The following CUL1 variants were observed in gnomAD, a reference collection of about 807,000 sequenced individuals.
CUL1 encodes the protein cullin-1.
In CUL1, 24 loss-of-function variants were observed where a neutral mutation model predicts 118.0. The ratio of observed to expected loss-of-function variants is 0.20; its 90% CI spans 0.15 to 0.29. The LOEUF is 0.29. Among genes scored for constraint, CUL1 ranks in the 10% least tolerant of loss-of-function variants. CUL1 has a pLI of 1.00. For synonymous variants in CUL1, 332 were observed against 340.4 expected (o/e 0.98, Z 0.27); for missense variants, 361 against 933.8 (o/e 0.39, Z 7.99).
At position 148,771,943 on chromosome 7, in the gene CUL1, C is replaced by T. The variant is rs186823443; in HGVS notation, c.1083+4194C>T. 7.2e-5 allele frequency among the ~76,000 whole-genome samples: 11 copies of T among 152,254 alleles called. No individual in the cohort carries two copies. In the East Asian group the frequency reaches 2.1e-3, roughly 29 times the overall value. ...GTCATTTTAAAAAGAATTGAATGCC[C>T]ACTGTGTGTGCCTGGCCCTGTGCTA... On this transcript the variant is annotated intron_variant, in intron 9 of 21. Coordinates refer to ENST00000325222, the MANE Select transcript of CUL1 (RefSeq NM_003592.3).
At position 148,784,034 on chromosome 7, in the gene CUL1, CCT is replaced by C. The variant is rs766176755; in HGVS notation, c.1256_1257del (p.Pro419ArgfsTer8). ...TKMAQSSSKS[P>X]ELLARYCDSL... Reference sequence around the variant, plus strand: ...GATGGCCCAATCATCCAGTAAATCCCCTGAGTTGCTGGCTCGATACTGTGACT... The same window carrying C: ...GATGGCCCAATCATCCAGTAAATCCCGAGTTGCTGGCTCGATACTGTGACT... On this transcript the variant is annotated frameshift_variant, in exon 11 of 22. Transcript: ENST00000325222. LOFTEE classifies it high-confidence loss of function. 6.2e-7 allele frequency: 1 copy of C among 1,614,094 alleles called. No homozygotes were observed. Among genetic ancestry groups the C allele is most frequent in the Non-Finnish European group, 8.5e-7 (1 of 1,179,994 alleles).
chr7:148,750,332 G>A (rs1322919042), intron 2 of CUL1, among the ~76,000 whole-genome samples: 1 of 150,986 alleles, frequency 6.6e-6, no homozygotes, highest in Non-Finnish European at 1.5e-5. Flanking sequence ...TAAGTTCTAG[G>A]GTACATATGC....
chr7:148,723,649 A>T (rs1001519140), intron 1 of CUL1, among the ~76,000 whole-genome samples: 3 of 135,736 alleles, frequency 2.2e-5, no homozygotes, highest in Non-Finnish European at 4.7e-5. Context: ...AAATAATAGA[A>T]TATATGACTC....
intron 7 of CUL1, among the ~76,000 whole-genome samples, chr7:148,765,480 G>C (rs1346642202): frequency 1.3e-5 from 2 of 152,000 alleles, no homozygotes; most frequent in African/African-American, 4.8e-5. Flanking sequence ...AAATTAAAAA[G>C]TTAGCCGGGT....
intron 6 of CUL1, 26 bp from the exon 7 acceptor site, chr7:148,760,307 G>T: frequency 1.3e-6 from 2 of 1,572,398 alleles, no homozygotes; most frequent in Non-Finnish European, 1.7e-6. Flanking sequence ...TAGGGTAATT[G>T]AAATATAGCT....
intron 1 of CUL1, among the ~76,000 whole-genome samples, chr7:148,706,084 A>G (rs1797871334): frequency 6.6e-6 from 1 of 152,210 alleles, no homozygotes; most frequent in Non-Finnish European, 1.5e-5. Context: ...CAGTTTATTC[A>G]GTGTCCCCAA....
intron 1 of CUL1, among the ~76,000 whole-genome samples, chr7:148,706,488 T>C (rs763141605): frequency 2.6e-5 from 4 of 152,128 alleles, no homozygotes; most frequent in Non-Finnish European, 5.9e-5. Context: ...TCCTATTTGA[T>C]GTGTTGATGA....
Position 148,799,349 on chromosome 7 carries a change from G to A in CUL1, c.2211G>A (p.Gln737=), listed in dbSNP as rs1369709292. ...AGTTACTTGGCGAGGTCCTCACTCA[G>A]CTGTCCTCCAGGTTCAAACCTCGAG... The part of the protein sequence containing the change: ...HQQLLGEVLT[Q]LSSRFKPRVP... Residue 737 remains glutamine (Q), a synonymous_variant, in exon 21 of 22, where the codon CAG becomes CAA. Coordinates refer to ENST00000325222, the MANE Select transcript of CUL1 (RefSeq NM_003592.3). 2 of 1,613,966 alleles carry A rather than the reference G, an allele frequency of 1.2e-6. No homozygotes were observed. The highest frequency in any genetic ancestry group is 2.2e-5 in the East Asian group (1 of 44,904).
intron 1 of CUL1, among the ~76,000 whole-genome samples, chr7:148,719,318 A>T (rs1798323882): frequency 6.6e-6 from 1 of 152,152 alleles, no homozygotes; most frequent in Non-Finnish European, 1.5e-5. Flanking sequence ...CAAAAAAAAA[A>T]AATAAAATAA....
intron 2 of CUL1, among the ~76,000 whole-genome samples, chr7:148,750,503 A>G (rs1446197186): frequency 6.6e-6 from 1 of 151,826 alleles, no homozygotes; most frequent in African/African-American, 2.4e-5. Flanking sequence ...CCTGTGTCCA[A>G]GTGTCTTCAT....
intron 2 of CUL1, among the ~76,000 whole-genome samples, chr7:148,730,608 C>T (rs1798730065): frequency 6.6e-6 from 1 of 152,164 alleles, no homozygotes; most frequent in South Asian, 2.1e-4. Context: ...TCCTGAGGTT[C>T]TCAGCAGATC....
At chr7:148,768,378 CTTTTTTTTTTTTTTT>C (rs10595637) in intron 9 of CUL1, among the ~76,000 whole-genome samples, 1 of 94,868 alleles carries the variant, frequency 1.1e-5, no homozygotes. Context: ...AAGAAAAGCT[CTTTTTTTTTTTTTTT>C]TTTTTTTTTG....
At chr7:148,723,519 C>T (rs749732440) in intron 1 of CUL1, among the ~76,000 whole-genome samples, 8 of 152,102 alleles carry the variant, frequency 5.3e-5, no homozygotes, top group Non-Finnish European at 1.2e-4. Flanking sequence ...TAGGTACATA[C>T]AGGTGTTTAT....
chr7:148,725,198 T>C (rs1430211293), intron 1 of CUL1, among the ~76,000 whole-genome samples: 4 of 106,752 alleles, frequency 3.7e-5, no homozygotes, highest in African/African-American at 1.3e-4. Context: ...TGCGCGCGTG[T>C]ACACACACAC....
chr7:148,734,070 G>A (rs1798859954), intron 2 of CUL1, among the ~76,000 whole-genome samples: 1 of 151,854 alleles, frequency 6.6e-6, no homozygotes, highest in Non-Finnish European at 1.5e-5. Flanking sequence ...CAGAGCATCT[G>A]CAGACAGAAA....
intron 1 of CUL1, among the ~76,000 whole-genome samples, chr7:148,708,051 A>G (rs1026192820): frequency 6.6e-6 from 1 of 152,220 alleles, no homozygotes; most frequent in Admixed American, 6.5e-5. Context: ...GGTTCTGTGC[A>G]GAATACTTGC....
chr7:148,752,694 G>A (rs1204539706), intron 2 of CUL1, among the ~76,000 whole-genome samples: 2 of 152,154 alleles, frequency 1.3e-5, no homozygotes, highest in African/African-American at 2.4e-5. Flanking sequence ...TGTCGCCCAG[G>A]CTGGAGTGCA....
Position 148,792,746 on chromosome 7 carries a change from T to C in CUL1, c.1827T>C (p.Ala609=). 1.9e-6 allele frequency: 3 copies of C among 1,612,566 alleles called. No individual in the cohort carries two copies. The highest frequency in any genetic ancestry group is 2.5e-6 in the Non-Finnish European group (3 of 1,179,394). Residue 609 remains alanine, a synonymous_variant, in exon 17 of 22, where the codon GCT becomes GCC. Transcript: ENST00000325222. ...CAAAGGCGTCGACATTCCAGATGGC[T>C]ATCCTGCTTCAGTACAACACGGAAG... ...YTLQASTFQM[A]ILLQYNTEDA...
intron 1 of CUL1, among the ~76,000 whole-genome samples, chr7:148,722,960 C>G (rs1448088393): frequency 6.6e-6 from 1 of 152,232 alleles, no homozygotes; most frequent in Non-Finnish European, 1.5e-5. Flanking sequence ...CCCACATGCT[C>G]AAGGTCGTCT....
Sources: gnomAD v4.1 joint callset for allele counts (sites outside exome capture counted in the v4.1 genomes callset) on GRCh38, gnomAD v4.1.1 for gene constraint, MANE v1.5 for transcripts, NCBI Gene and HGNC (gene_info 2026-07-23, HGNC 2026-07-21) for gene names.